Variants in LARGE1 observed in about 807,000 individuals in gnomAD.
LARGE1 encodes LARGE xylosyl- and glucuronyltransferase 1.
In LARGE1, 43 loss-of-function variants were observed where a neutral mutation model predicts 87.6. That is an observed-to-expected ratio of 0.49 (90% CI 0.38 to 0.63). The LOEUF (loss-of-function observed/expected upper bound fraction) is 0.63, where lower values mean the gene tolerates loss of function less well. LARGE1 is among the 30% of genes least tolerant of loss of function. LARGE1 has a pLI of 0.00. For missense variants in LARGE1, 802 were observed against 1,000.2 expected, an observed-to-expected ratio of 0.80 and a Z score of 2.67; for synonymous variants, 434 against 394.6, an observed-to-expected ratio of 1.10 and a Z score of -1.18.
chr22:33,608,112 C>T (rs5999031), intron 4 of LARGE1, among the ~76,000 whole-genome samples: 6 of 152,226 alleles, frequency 3.9e-5, no homozygotes, highest in South Asian at 2.1e-4. Context: ...AGTGTTTCCA[C>T]GACTGTCTCC....
At chr22:33,288,792 C>A (rs1309929388) in intron 12 of LARGE1, among the ~76,000 whole-genome samples, 1 of 152,138 alleles carries the variant, frequency 6.6e-6, no homozygotes. Context: ...CCTACATGGG[C>A]CTGAGCTGAC....
intron 6 of LARGE1, among the ~76,000 whole-genome samples, chr22:33,467,349 C>G (rs1286083013): frequency 6.6e-6 from 1 of 152,210 alleles, no homozygotes; most frequent in Non-Finnish European, 1.5e-5. Flanking sequence ...CCTCCAATCT[C>G]AAGCTGTTTT....
At chr22:33,740,477 G>A (rs1413921092) in intron 2 of LARGE1, among the ~76,000 whole-genome samples, 2 of 152,098 alleles carry the variant, frequency 1.3e-5, no homozygotes, top group East Asian at 3.9e-4. Flanking sequence ...ATTATCTTCA[G>A]AAAAGGTCAT....
chr22:33,851,355 T>C (rs1248917657), intron 1 of LARGE1, among the ~76,000 whole-genome samples: 2 of 152,214 alleles, frequency 1.3e-5, no homozygotes, highest in Non-Finnish European at 2.9e-5. Context: ...GGCTTTCTCC[T>C]TCTCTCAAGT....
At chr22:33,368,533 C>A (rs1246211338) in intron 9 of LARGE1, among the ~76,000 whole-genome samples, 579 of 115,396 alleles carry the variant, frequency 5.0e-3, no homozygotes, top group South Asian at 8.5e-3. Context: ...GACTCTTTCT[C>A]AAAAAAAAAA....
intron 6 of LARGE1, among the ~76,000 whole-genome samples, chr22:33,510,209 A>G (rs1398177160): frequency 6.6e-6 from 1 of 152,230 alleles, no homozygotes; most frequent in Non-Finnish European, 1.5e-5. Context: ...CTAAACATGC[A>G]AGTCTTAATC....
At chr22:33,481,710 G>T (rs2069336190) in intron 6 of LARGE1, among the ~76,000 whole-genome samples, 1 of 152,100 alleles carries the variant, frequency 6.6e-6, no homozygotes, top group South Asian at 2.1e-4. Flanking sequence ...TTGCCCGTTA[G>T]AACAACTGCC....
intron 5 of LARGE1, among the ~76,000 whole-genome samples, chr22:33,586,436 C>CAGGGGCAGACTTTCTGT (rs969491936): frequency 2.0e-5 from 3 of 150,896 alleles, no homozygotes; most frequent in African/African-American, 4.9e-5. Flanking sequence ...TGCCCCCAAA[C>CAGGGGCAGACTTTCTGT]AGGGAGAACA....
intron 7 of LARGE1, among the ~76,000 whole-genome samples, chr22:33,400,159 G>A (rs931296691): frequency 1.3e-5 from 2 of 152,212 alleles, no homozygotes; most frequent in Admixed American, 1.3e-4. Flanking sequence ...AACATTTACT[G>A]AATGAAGATA....
At chr22:33,412,985 T>G (rs903193209) in intron 7 of LARGE1, among the ~76,000 whole-genome samples, 1 of 152,196 alleles carries the variant, frequency 6.6e-6, no homozygotes, top group Non-Finnish European at 1.5e-5. Context: ...TGGCTATGTT[T>G]AACAACTGGA....
At chr22:33,659,021 C>T (rs1275607427) in intron 2 of LARGE1, among the ~76,000 whole-genome samples, 5 of 152,150 alleles carry the variant, frequency 3.3e-5, no homozygotes, top group Non-Finnish European at 5.9e-5. Context: ...CACATGATTT[C>T]CTGGTATTGT....
intron 1 of LARGE1, among the ~76,000 whole-genome samples, chr22:33,809,688 T>C (rs1176429170): frequency 6.6e-6 from 1 of 152,140 alleles, no homozygotes; most frequent in Non-Finnish European, 1.5e-5. Context: ...TAATATACCT[T>C]ATTTCCTCCA....
intron 14 of LARGE1, among the ~76,000 whole-genome samples, chr22:33,274,942 A>G (rs766040114): frequency 7.9e-5 from 12 of 152,196 alleles, no homozygotes; most frequent in Non-Finnish European, 4.4e-5. Flanking sequence ...GGCCTAGAAA[A>G]GGTTTCTTGA....
rs117134556 is a variant in LARGE1 at position 33,491,705 on chromosome 22, C to A, written c.788-59440G>T. On this transcript the variant is annotated intron_variant, in intron 6 of 14. Coordinates refer to ENST00000397394, the MANE Select transcript of LARGE1 (RefSeq NM_133642.5). ...CTTAATCATAAGTCGATCTTACAGC[C>A]CCATTTTTGTGCCCACCATTGGGTA... Among the ~76,000 whole-genome samples, 10 of 152,278 alleles carry A rather than the reference C, an allele frequency of 6.6e-5. No homozygotes were observed. The East Asian group carries it at 1.9e-3, about 29-fold the overall frequency.
the LARGE1 span, among the ~76,000 whole-genome samples, chr22:33,094,449 T>G: frequency 6.6e-6 from 1 of 152,158 alleles, no homozygotes; most frequent in Non-Finnish European, 1.5e-5. Flanking sequence ...CTAAACTTCC[T>G]AGCCTCACAT....
rs1385432769 is a variant in LARGE1 at position 33,361,259 on chromosome 22, G to C, written c.1131+20660C>G. On this transcript the variant is annotated intron_variant, in intron 9 of 14. Coordinates refer to ENST00000397394, the MANE Select transcript of LARGE1 (RefSeq NM_133642.5). Reference sequence around the variant, plus strand: ...ATAAAAATAAAAATAAACCATGTCTGGTTCTGGTTTGCTGTCTCTGGGTCT... The same window carrying C: ...ATAAAAATAAAAATAAACCATGTCTCGTTCTGGTTTGCTGTCTCTGGGTCT... 2.0e-5 allele frequency among the ~76,000 whole-genome samples: 3 copies of C among 149,296 alleles called. 1 individual carries two copies. Among genetic ancestry groups the C allele is most frequent in the African/African-American group, 7.4e-5 (3 of 40,628 alleles).
intron 10 of LARGE1, among the ~76,000 whole-genome samples, chr22:33,317,477 C>CT (rs1383583592): frequency 6.6e-6 from 1 of 152,156 alleles, no homozygotes; most frequent in Non-Finnish European, 1.5e-5. Context: ...GGCACCCGTA[C>CT]TTTTTTCTCT....
At chr22:33,163,989 T>C (rs1922131966) in exon 12 of LARGE1, 1 of 152,122 alleles carries the variant, frequency 6.6e-6, no homozygotes, top group African/African-American at 2.4e-5. Flanking sequence ...TCAGCAGAAG[T>C]TCAAGTTTCA....
chr22:33,592,810 TTC>T (rs1202010159), intron 5 of LARGE1, among the ~76,000 whole-genome samples: 3 of 151,720 alleles, frequency 2.0e-5, no homozygotes, highest in Non-Finnish European at 4.4e-5. Flanking sequence ...TGTGTATATT[TTC>T]TTTTTTTTTC....
Sources: gnomAD v4.1 joint callset for allele counts (sites outside exome capture counted in the v4.1 genomes callset) on GRCh38, gnomAD v4.1.1 for gene constraint, MANE v1.5 for transcripts, NCBI Gene and HGNC (gene_info 2026-07-23, HGNC 2026-07-21) for gene names.